The following PITPNC1 variants were observed in gnomAD, a reference collection of about 807,000 sequenced individuals.
PITPNC1 encodes phosphatidylinositol transfer protein cytoplasmic 1.
Under a neutral mutation model 44.7 loss-of-function variants are expected in PITPNC1, and 18 were observed. The ratio of observed to expected loss-of-function variants is 0.40; its 90% CI spans 0.28 to 0.60. PITPNC1 has a LOEUF of 0.60. Ranked by LOEUF, PITPNC1 falls within the 20% of genes least tolerant of loss-of-function variation. The pLI, the probability that PITPNC1 is intolerant of heterozygous loss-of-function variation, is 0.39. For synonymous variants in PITPNC1, 141 were observed against 149.6 expected (o/e 0.94, Z 0.42); for missense variants, 290 against 418.4 (o/e 0.69, Z 2.68).
chr17:67,434,001 G>A (rs2038896849), intron 1 of PITPNC1, among the ~76,000 whole-genome samples: 1 of 152,144 alleles, frequency 6.6e-6, no homozygotes, highest in African/African-American at 2.4e-5. Context: ...GCAAGGGGCC[G>A]AGACCACAAA....
At chr17:67,510,625 G>A (rs1038209231) in intron 1 of PITPNC1, among the ~76,000 whole-genome samples, 2 of 152,062 alleles carry the variant, frequency 1.3e-5, no homozygotes, top group Admixed American at 6.5e-5. Flanking sequence ...TTGAGACAGA[G>A]TCTTGCTCTA....
rs751106529 is a variant in PITPNC1 at position 67,692,593 on chromosome 17, G to A, written c.704G>A (p.Arg235Gln). The change falls in exon 9 of 9, where the codon CGA becomes CAA. Residue 235 changes from arginine (R) to glutamine (Q), a missense_variant. Arg to Gln is a conservative substitution (Grantham distance 43). Transcript: ENST00000581322. ...EWYDMTMDEV[R>Q]EFERATQEAT... ...GAAGACATGACAATGGATGAAGTCCGAGAATTTGAACGAGCCACTCAGGAA... is the reference window on the plus strand; with the variant it reads ...GAAGACATGACAATGGATGAAGTCCAAGAATTTGAACGAGCCACTCAGGAA... The A allele has an allele frequency of 3.1e-6, 5 of 1,613,316 alleles. No homozygotes were observed. The highest frequency in any genetic ancestry group is 2.2e-5 in the East Asian group (1 of 44,872).
At chr17:67,420,908 A>G (rs1455326167) in intron 1 of PITPNC1, among the ~76,000 whole-genome samples, 1 of 152,184 alleles carries the variant, frequency 6.6e-6, no homozygotes, top group Non-Finnish European at 1.5e-5. Context: ...AAAGTCAGGA[A>G]TGTCTAATGT....
At chr17:67,517,900 A>G (rs1409352427) in intron 1 of PITPNC1, among the ~76,000 whole-genome samples, 1 of 152,240 alleles carries the variant, frequency 6.6e-6, no homozygotes, top group Non-Finnish European at 1.5e-5. Context: ...AAAGTATGGG[A>G]AACATCTATA....
At chr17:67,557,494 C>T (rs61674161) in intron 4 of PITPNC1, among the ~76,000 whole-genome samples, 1 of 152,306 alleles carries the variant, frequency 6.6e-6, no homozygotes, top group African/African-American at 2.4e-5. Context: ...ATTTAATTCT[C>T]TGTGAGGAGG....
intron 1 of PITPNC1, among the ~76,000 whole-genome samples, chr17:67,444,593 C>T (rs1026404400): frequency 6.6e-6 from 1 of 151,922 alleles, no homozygotes; most frequent in African/African-American, 2.4e-5. Context: ...TGACAAAAAG[C>T]AGATTAATAG....
intron 8 of PITPNC1, among the ~76,000 whole-genome samples, chr17:67,683,977 C>CA (rs79101364): frequency 0.04 from 2,433 of 61,282 alleles, 35 homozygotes; most frequent in African/African-American, 0.096. Flanking sequence ...GACTCTGTCT[C>CA]AAAAAAAAAA....
At chr17:67,589,332 C>T (rs530975645) in intron 5 of PITPNC1, among the ~76,000 whole-genome samples, 1 of 152,164 alleles carries the variant, frequency 6.6e-6, no homozygotes, top group Non-Finnish European at 1.5e-5. Flanking sequence ...GAACTTACCG[C>T]GGATAATCAT....
chr17:67,382,460 T>C (rs2037976603), intron 1 of PITPNC1, among the ~76,000 whole-genome samples: 1 of 152,040 alleles, frequency 6.6e-6, no homozygotes, highest in Admixed American at 6.6e-5. Flanking sequence ...GAATAGTCCC[T>C]CGTTTGTGTT....
chr17:67,445,009 T>A (rs912934854), intron 1 of PITPNC1, among the ~76,000 whole-genome samples: 14 of 150,646 alleles, frequency 9.3e-5, no homozygotes, highest in Non-Finnish European at 1.6e-4. Context: ...TATGTCTTGT[T>A]TTTTTTAGGG....
At chr17:67,454,535 G>A (rs2039228561) in intron 1 of PITPNC1, among the ~76,000 whole-genome samples, 1 of 152,094 alleles carries the variant, frequency 6.6e-6, no homozygotes, top group African/African-American at 2.4e-5. Context: ...GTCATGGGCA[G>A]TATGAAAACG....
chr17:67,562,799 T>G (rs1367334658), intron 4 of PITPNC1, among the ~76,000 whole-genome samples: 1 of 152,214 alleles, frequency 6.6e-6, no homozygotes, highest in East Asian at 1.9e-4. Flanking sequence ...ATGTGTGTAT[T>G]AAAGATCTTC....
chr17:67,470,202 C>T (rs1444008569), intron 1 of PITPNC1, among the ~76,000 whole-genome samples: 1 of 152,154 alleles, frequency 6.6e-6, no homozygotes, highest in Non-Finnish European at 1.5e-5. Context: ...GGATTACAGG[C>T]ATGAGCCACC....
chr17:67,415,794 C>T (rs2038578277), intron 1 of PITPNC1, among the ~76,000 whole-genome samples: 1 of 152,018 alleles, frequency 6.6e-6, no homozygotes, highest in African/African-American at 2.4e-5. Flanking sequence ...ATGTTGTACT[C>T]TTCTTTCGTC....
In PITPNC1 at chr17:67,682,949, C is replaced by A. The variant is rs554931982; in HGVS notation, c.682+7407C>A. Among the ~76,000 whole-genome samples the A allele has an allele frequency of 3.3e-5, 5 of 152,152 alleles. No homozygotes were observed. In the South Asian group the frequency reaches 1.0e-3, roughly 32 times the overall value. Reference sequence around the variant, plus strand: ...GGCCGAGGCGGGTGAATCACAAGGTCAGGAGTTCGCGACCAGCCTGGCCAA... The same window carrying A: ...GGCCGAGGCGGGTGAATCACAAGGTAAGGAGTTCGCGACCAGCCTGGCCAA... On this transcript the variant is annotated intron_variant, in intron 8 of 8. Coordinates refer to ENST00000581322, the MANE Select transcript of PITPNC1 (RefSeq NM_012417.4).
chr17:67,657,904 GA>G (rs1458549400), intron 6 of PITPNC1, among the ~76,000 whole-genome samples: 2 of 152,328 alleles, frequency 1.3e-5, no homozygotes, highest in East Asian at 3.9e-4. Context: ...TTAATACCGT[GA>G]AGTCTTGTTT....
intron 1 of PITPNC1, among the ~76,000 whole-genome samples, chr17:67,402,480 C>T (rs572589097): frequency 1.3e-5 from 2 of 152,246 alleles, no homozygotes; most frequent in South Asian, 4.1e-4. Flanking sequence ...GTCAGTTACA[C>T]TTGGTCTTCT....
chr17:67,442,537 T>G (rs1367433540), intron 1 of PITPNC1, among the ~76,000 whole-genome samples: 1 of 151,498 alleles, frequency 6.6e-6, no homozygotes, highest in African/African-American at 2.4e-5. Flanking sequence ...TTGCATTCAT[T>G]TTGATTAAAA....
At chr17:67,408,547 A>C (rs1356168951) in intron 1 of PITPNC1, among the ~76,000 whole-genome samples, 1 of 152,050 alleles carries the variant, frequency 6.6e-6, no homozygotes, top group African/African-American at 2.4e-5. Flanking sequence ...ACAAAAAAAA[A>C]GTTTTTTGAT....
Sources: gnomAD v4.1 joint callset for allele counts (sites outside exome capture counted in the v4.1 genomes callset) on GRCh38, gnomAD v4.1.1 for gene constraint, MANE v1.5 for transcripts, NCBI Gene and HGNC (gene_info 2026-07-23, HGNC 2026-07-21) for gene names.